Variants in CNNM2 observed in about 807,000 individuals in gnomAD.
The protein encoded by CNNM2 is cyclin and CBS domain divalent metal cation transport mediator 2.
CNNM2 carries 12 observed loss-of-function variants against 66.9 expected under a neutral mutation model. That is an observed-to-expected ratio of 0.18 (90% CI 0.11 to 0.29). CNNM2 has a LOEUF of 0.29. Ranked by LOEUF, CNNM2 falls within the 10% of genes least tolerant of loss-of-function variation. CNNM2 has a pLI of 1.00. For missense variants in CNNM2, 705 were observed against 1,167.7 expected (o/e 0.60, Z 5.77); for synonymous variants, 557 against 501.8 (o/e 1.11, Z -1.47).
chr10:103,034,335 AAAAAC>A (rs61454390), intron 1 of CNNM2, among the ~76,000 whole-genome samples: 2 of 148,532 alleles, frequency 1.3e-5, no homozygotes, highest in African/African-American at 2.5e-5. Flanking sequence ...TTTTGGTTTT[AAAAAC>A]AAAACAAAAC....
At chr10:102,988,249 C>T (rs1205828487) in intron 1 of CNNM2, among the ~76,000 whole-genome samples, 1 of 152,064 alleles carries the variant, frequency 6.6e-6, no homozygotes, top group African/African-American at 2.4e-5. Context: ...TTGCAGTGAG[C>T]CGGGATTGCA....
intron 1 of CNNM2, among the ~76,000 whole-genome samples, chr10:102,953,964 A>G (rs1271461882): frequency 6.6e-6 from 1 of 152,088 alleles, no homozygotes; most frequent in Non-Finnish European, 1.5e-5. Context: ...ATTAGTTCCA[A>G]TTTATAAGTC....
intron 1 of CNNM2, among the ~76,000 whole-genome samples, chr10:103,045,991 G>T (rs564800168): frequency 4.6e-5 from 7 of 152,270 alleles, no homozygotes; most frequent in South Asian, 2.1e-4. Flanking sequence ...ATATAGTGGG[G>T]TTTTTTCCCT....
At chr10:103,074,275 G>A (rs2065651864) in intron 6 of CNNM2, among the ~76,000 whole-genome samples, 1 of 151,694 alleles carries the variant, frequency 6.6e-6, no homozygotes, top group African/African-American at 2.4e-5. Context: ...GTGACGAGAG[G>A]GAGACTGTCT....
intron 5 of CNNM2, among the ~76,000 whole-genome samples, chr10:103,069,583 T>C (rs2065538988): frequency 6.6e-6 from 1 of 152,094 alleles, no homozygotes; most frequent in African/African-American, 2.4e-5. Context: ...AGTCAGCCAG[T>C]TAAGGGTGGG....
At chr10:103,064,439 G>A (rs915816103) in intron 4 of CNNM2, among the ~76,000 whole-genome samples, 3 of 152,154 alleles carry the variant, frequency 2.0e-5, no homozygotes, top group Admixed American at 6.5e-5. Flanking sequence ...TTTCGCCCAG[G>A]CTAGTCTTGA....
intron 1 of CNNM2, among the ~76,000 whole-genome samples, chr10:103,009,209 A>G (rs1010830730): frequency 1.3e-5 from 2 of 151,944 alleles, no homozygotes; most frequent in Non-Finnish European, 1.5e-5. Context: ...CAGGAGGCGG[A>G]GGTTGTGCTG....
chr10:103,041,820 A>T lies in CNNM2; in HGVS notation c.1622-7887A>T, dbSNP rs1246754579. Among the ~76,000 whole-genome samples, 4 of 151,616 alleles carry T rather than the reference A, an allele frequency of 2.6e-5. No homozygotes were observed. In the East Asian group the frequency reaches 7.8e-4, roughly 29 times the overall value. ...CCTTCCTGCTGGCCACTCTTTCTCA[A>T]GTCTCTCTTTGGTTCTATCTCAGCC... On this transcript the variant is annotated intron_variant, in intron 1 of 7. Coordinates refer to ENST00000369878, the MANE Select transcript of CNNM2 (RefSeq NM_017649.5).
intron 6 of CNNM2, among the ~76,000 whole-genome samples, chr10:103,073,436 G>A (rs1000038161): frequency 2.6e-5 from 4 of 152,150 alleles, no homozygotes; most frequent in African/African-American, 7.2e-5. Flanking sequence ...TGGCCAAAGC[G>A]CAGGGATACA....
chr10:102,975,043 A>G (rs899248303), intron 1 of CNNM2, among the ~76,000 whole-genome samples: 4 of 152,156 alleles, frequency 2.6e-5, no homozygotes, highest in African/African-American at 9.7e-5. Context: ...GTTCTAGGGA[A>G]TAGAACTAAG....
intron 1 of CNNM2, among the ~76,000 whole-genome samples, chr10:102,935,991 TTTTG>T (rs1564811874): frequency 6.6e-6 from 1 of 151,732 alleles, no homozygotes; most frequent in East Asian, 1.9e-4. Flanking sequence ...TGGTGTTTTT[TTTTG>T]TTTGTTTTTT....
At position 102,934,589 on chromosome 10, in the gene CNNM2, C is replaced by T. The variant is rs569164472; in HGVS notation, c.1621+14488C>T. 1.2e-4 allele frequency among the ~76,000 whole-genome samples: 18 copies of T among 152,098 alleles called. No homozygotes were observed. In the East Asian group the frequency reaches 2.7e-3, roughly 23 times the overall value. On this transcript the variant is annotated intron_variant, in intron 1 of 7. Transcript: ENST00000369878. ...AGCCACCGCGCCCAGCCTGAGCCAC[C>T]GGCCAAATCTATTTCTTTCTACTAT...
intron 6 of CNNM2, 63 bp from the exon 7 acceptor site, chr10:103,076,023 T>C (rs2065684134): frequency 7.0e-7 from 1 of 1,420,378 alleles, no homozygotes; most frequent in African/African-American, 1.4e-5. Context: ...TTTTGGAAAA[T>C]AACTGGTTTT....
chr10:103,029,539 C>A (rs2064780882), intron 1 of CNNM2, among the ~76,000 whole-genome samples: 1 of 151,312 alleles, frequency 6.6e-6, no homozygotes, highest in Non-Finnish European at 1.5e-5. Context: ...TGAAAGAGAA[C>A]CCTTCCTTCA....
At chr10:103,005,872 G>T (rs1281432579) in intron 1 of CNNM2, among the ~76,000 whole-genome samples, 6 of 151,958 alleles carry the variant, frequency 3.9e-5, no homozygotes, top group Non-Finnish European at 5.9e-5. Flanking sequence ...GGGACCACAG[G>T]CACATACCAC....
At chr10:103,048,739 G>A (rs1054040077) in intron 1 of CNNM2, among the ~76,000 whole-genome samples, 2 of 152,062 alleles carry the variant, frequency 1.3e-5, no homozygotes, top group East Asian at 1.9e-4. Context: ...TCCTCAGGAC[G>A]GCTGCCATAC....
intron 1 of CNNM2, among the ~76,000 whole-genome samples, chr10:102,984,686 G>A (rs531570645): frequency 1.1e-4 from 16 of 151,996 alleles, no homozygotes; most frequent in Admixed American, 2.0e-4. Flanking sequence ...TTTTGAGACG[G>A]TCTCACTCTG....
intron 1 of CNNM2, among the ~76,000 whole-genome samples, chr10:103,000,828 CT>C: frequency 6.6e-6 from 1 of 152,322 alleles, no homozygotes; most frequent in Non-Finnish European, 1.5e-5. Context: ...ATCTGCCCTC[CT>C]TGGCTTCCCA....
chr10:102,992,273 C>CTTTT (rs35281835), intron 1 of CNNM2, among the ~76,000 whole-genome samples: 5 of 108,494 alleles, frequency 4.6e-5, no homozygotes, highest in South Asian at 3.5e-4. Flanking sequence ...CTCCAAGTTC[C>CTTTT]TTTTTTTTTT....
Sources: gnomAD v4.1 joint callset for allele counts (sites outside exome capture counted in the v4.1 genomes callset) on GRCh38, gnomAD v4.1.1 for gene constraint, MANE v1.5 for transcripts, NCBI Gene and HGNC (gene_info 2026-07-23, HGNC 2026-07-21) for gene names.